The following SLC3A1 variants were observed in gnomAD, a reference collection of about 807,000 sequenced individuals.
The protein encoded by SLC3A1 is amino acid transporter heavy chain SLC3A1.
In SLC3A1, 78 loss-of-function variants were observed where a neutral mutation model predicts 60.3. The observed-to-expected ratio is 1.29, with a 90% CI of 1.08 to 1.56. The LOEUF is 1.56. Among genes scored for constraint, SLC3A1 ranks in the 40% most tolerant of loss-of-function variants. SLC3A1 has a pLI of 0.00. For missense variants in SLC3A1, 1,172 were observed against 858.9 expected (o/e 1.36, Z -4.56); for synonymous variants, 392 against 307.9 (o/e 1.27, Z -2.86).
intron 9 of SLC3A1, chr2:44,316,247 AATT>A (rs1439770288): frequency 6.6e-6 from 1 of 152,232 alleles, no homozygotes; most frequent in Non-Finnish European, 1.5e-5. Context: ...AAGCAGAGAA[AATT>A]ATAGCAAACA....
chr2:44,286,270 G>GAAAT (rs1426396553), intron 4 of SLC3A1, 113 bp downstream of exon 4: 5 of 990,756 alleles, frequency 5.0e-6, no homozygotes, highest in Non-Finnish European at 7.9e-6. Context: ...TTAATTATTT[G>GAAAT]AAATACTCTA....
intron 7 of SLC3A1, among the ~76,000 whole-genome samples, chr2:44,305,308 G>C (rs1186860345): frequency 6.6e-6 from 1 of 151,984 alleles, no homozygotes; most frequent in South Asian, 2.1e-4. Context: ...AGGCTCCTTC[G>C]TAAGATGTCT....
intron 7 of SLC3A1, among the ~76,000 whole-genome samples, chr2:44,311,231 C>CT (rs1448201509): frequency 7.9e-5 from 12 of 152,176 alleles, no homozygotes; most frequent in Non-Finnish European, 1.5e-4. Flanking sequence ...CTTTTTAACT[C>CT]TAACAGTTTT....
At chr2:44,304,845 CAG>C (rs1465160130) in intron 7 of SLC3A1, among the ~76,000 whole-genome samples, 45 of 78,920 alleles carry the variant, frequency 5.7e-4, no homozygotes, top group East Asian at 1.4e-3. Context: ...TTTTTTGAGA[CAG>C]GGGCTCACTC....
rs1671475168 is a variant in SLC3A1, at chr2:44,280,716, G to T, written c.431G>T (p.Gly144Val). The T allele has an allele frequency of 6.2e-7, 1 of 1,603,170 alleles. No individual in the cohort carries two copies. Among genetic ancestry groups the T allele is most frequent in the South Asian group, 1.1e-5 (1 of 90,666 alleles). ...TCATGACTTTGACTTTTTTCTTCAG[G>T]TATTCAAGATAAACTGGACTACATC... Reference protein sequence around the residue: ...SNKDGNGDLKGIQDKLDYITA... With the variant: ...SNKDGNGDLKVIQDKLDYITA... The change falls in exon 2 of 10, where the codon GGT becomes GTT. Residue 144 changes from glycine (G) to valine (V), a missense_variant and splice_region_variant. By Grantham distance (109) the Gly-to-Val change is moderately radical. Transcript: ENST00000260649.
At chr2:44,278,923 C>A (rs970642469) in intron 1 of SLC3A1, among the ~76,000 whole-genome samples, 1 of 152,118 alleles carries the variant, frequency 6.6e-6, no homozygotes, top group East Asian at 1.9e-4. Flanking sequence ...GGTTGCACTC[C>A]TTCTCAGACC....
intron 2 of SLC3A1, among the ~76,000 whole-genome samples, chr2:44,281,185 G>A (rs1407444577): frequency 2.9e-5 from 4 of 137,166 alleles, no homozygotes; most frequent in African/African-American, 1.1e-4. Flanking sequence ...TCCAGGCAGG[G>A]TCTTGCTCTG....
chr2:44,304,492 A>G (rs895842847), intron 7 of SLC3A1, among the ~76,000 whole-genome samples, 154 bp downstream of exon 7: 1 of 152,204 alleles, frequency 6.6e-6, no homozygotes, highest in Non-Finnish European at 1.5e-5. Context: ...AGCCTCTGCC[A>G]GGTTCTTTTC....
At chr2:44,281,283 C>A in intron 2 of SLC3A1, 104 bp from the exon 3 acceptor site, 1 of 995,602 alleles carries the variant, frequency 1.0e-6, no homozygotes, top group Non-Finnish European at 1.6e-6. Flanking sequence ...CTTAGCCTCC[C>A]AGTGTATTGG....
chr2:44,284,468 C>G (rs1401280588), intron 3 of SLC3A1, among the ~76,000 whole-genome samples: 1 of 152,192 alleles, frequency 6.6e-6, no homozygotes, highest in Admixed American at 6.5e-5. Flanking sequence ...AATTCATTAT[C>G]AAAATGGTTG....
chr2:44,313,951 TGTAA>T lies in SLC3A1; in HGVS notation c.1617+4_1617+7del. On this transcript the variant is annotated splice_donor_variant and splice_donor_region_variant and intron_variant, in intron 9 of 9. Coordinates refer to ENST00000260649, the MANE Select transcript of SLC3A1 (RefSeq NM_000341.4). LOFTEE classifies it high-confidence loss of function. ...CAGATTACCACACTGTGAATGTTGA[TGTAA>T]GTATCAGTGAAAATTTTATGTTGAT... 2.5e-6 allele frequency: 4 copies of T among 1,614,096 alleles called. No homozygotes were observed. Among genetic ancestry groups the T allele is most frequent in the Non-Finnish European group, 3.4e-6 (4 of 1,179,976 alleles).
intron 4 of SLC3A1, 90 bp downstream of exon 4, chr2:44,286,247 C>CA (rs1671610361): frequency 8.1e-7 from 1 of 1,238,758 alleles, no homozygotes; most frequent in African/African-American, 1.5e-5. Context: ...ATTGTGTAGG[C>CA]AAAATCAAGT....
intron 7 of SLC3A1, among the ~76,000 whole-genome samples, chr2:44,304,979 G>C (rs950154949): frequency 6.6e-6 from 1 of 151,876 alleles, no homozygotes; most frequent in Non-Finnish European, 1.5e-5. Flanking sequence ...ATGCCACCAT[G>C]GCTGGCTAAT....
Position 44,318,900 on chromosome 2 carries a change from A to G in SLC3A1, c.1618-1299A>G, listed in dbSNP as rs549337588. ...TACGCATCTAACAGCTTCAAAATATAGAAAATACTCAAATGCAAAATCAAC... is the reference window on the plus strand; with the variant it reads ...TACGCATCTAACAGCTTCAAAATATGGAAAATACTCAAATGCAAAATCAAC... On this transcript the variant is annotated intron_variant, in intron 9 of 9. Transcript: ENST00000260649. 4 of 152,350 alleles carry G rather than the reference A, an allele frequency of 2.6e-5. No individual in the cohort carries two copies. In the South Asian group the frequency reaches 8.3e-4, roughly 32 times the overall value. The allele number at this position is 152,350 out of a possible 1,614,324, so 9.4% of individuals were successfully genotyped here.
chr2:44,299,981 G>C lies in SLC3A1; in HGVS notation c.902G>C (p.Arg301Pro). The C allele has an allele frequency of 6.2e-7, 1 of 1,613,946 alleles. No homozygotes were observed. The highest frequency in any genetic ancestry group is 8.5e-7 in the Non-Finnish European group (1 of 1,179,918). ...DVQEEIKEIL[R>P]FWLTKGVDGF... ...CTTCTTCATCTTTAGGAAATTTTAC[G>C]GTTCTGGCTCACAAAGGGTGTTGAT... Residue 301 changes from arginine to proline, a missense_variant, in exon 5 of 10, where the codon CGG becomes CCG. Arg to Pro is a moderately radical substitution (Grantham distance 103, BLOSUM62 -2). Coordinates refer to ENST00000260649, the MANE Select transcript of SLC3A1 (RefSeq NM_000341.4).
At chr2:44,297,319 A>G (rs1025987338) in intron 4 of SLC3A1, among the ~76,000 whole-genome samples, 3 of 152,170 alleles carry the variant, frequency 2.0e-5, no homozygotes, top group South Asian at 2.1e-4. Flanking sequence ...GGGTTGAGGC[A>G]GGTAGCTGAG....
At chr2:44,313,423 A>G in intron 8 of SLC3A1, among the ~76,000 whole-genome samples, 1 of 152,208 alleles carries the variant, frequency 6.6e-6, no homozygotes, top group South Asian at 2.1e-4. Flanking sequence ...ACTCATGAGC[A>G]ATAATCAGGC....
In SLC3A1 at chr2:44,306,550, C is replaced by CTTTT. The variant is rs11290172; in HGVS notation, c.1332+2231_1332+2234dup. On this transcript the variant is annotated intron_variant, in intron 7 of 9. Transcript: ENST00000260649. ...GAGATATAATTCACATACCATAAAACTTTTTTTTTTTTTTTTTTTTTTGAG... is the reference window on the plus strand; with the variant it reads ...GAGATATAATTCACATACCATAAAACTTTTTTTTTTTTTTTTTTTTTTTTTTGAG... Among the ~76,000 whole-genome samples, 9 of 101,100 alleles carry CTTTT rather than the reference C, an allele frequency of 8.9e-5. 1 individual carries two copies. The highest frequency in any genetic ancestry group is 8.6e-4 in the East Asian group (3 of 3,470). The allele number at this position is 101,100 out of a possible 152,430, so 66.3% of individuals were successfully genotyped here. A position where few individuals can be genotyped will look rare whatever the true frequency, so the allele number is the denominator to read the frequency against.
chr2:44,317,402 C>A (rs1487497394), intron 9 of SLC3A1, among the ~76,000 whole-genome samples: 1 of 149,892 alleles, frequency 6.7e-6, no homozygotes, highest in Non-Finnish European at 1.5e-5. Context: ...GTTGAGGCTG[C>A]AGTGAGCCAT....
Sources: allele counts gnomAD v4.1 joint callset (sites outside exome capture counted in the v4.1 genomes callset), GRCh38; gene constraint gnomAD v4.1.1; transcripts MANE v1.5; gene names NCBI Gene and HGNC (gene_info 2026-07-23, HGNC 2026-07-21).